Variants in DMBT1 observed in about 807,000 individuals in gnomAD.
DMBT1 encodes scavenger receptor cysteine-rich domain-containing protein DMBT1.
In DMBT1, 198 loss-of-function variants were observed where a neutral mutation model predicts 252.9. The ratio of observed to expected loss-of-function variants is 0.78; its 90% CI spans 0.70 to 0.88. The LOEUF is 0.88. Ranked by LOEUF, DMBT1 falls within the 40% of genes least tolerant of loss-of-function variation. The pLI, the probability that DMBT1 is intolerant of heterozygous loss-of-function variation, is 0.00. For missense variants in DMBT1, 2,432 were observed against 2,404.7 expected (o/e 1.01, Z -0.24); for synonymous variants, 990 against 942.7 (o/e 1.05, Z -0.92).
In DMBT1 at chr10:122,592,259, T is replaced by G; in HGVS notation, c.2177-13T>G. 1.3e-6 allele frequency: 2 copies of G among 1,585,794 alleles called. No homozygotes were observed. Among genetic ancestry groups the G allele is most frequent in the Non-Finnish European group, 1.7e-6 (2 of 1,165,122 alleles). On this transcript the variant is annotated splice_polypyrimidine_tract_variant and intron_variant, in intron 19 of 55. Transcript: ENST00000338354. Reference sequence around the variant, plus strand: ...GGTAGGGATGGATAAAGGGTTCTTGTGTTCCCCTGTAGGATCTGAATCCAG... The same window carrying G: ...GGTAGGGATGGATAAAGGGTTCTTGGGTTCCCCTGTAGGATCTGAATCCAG...
rs560953778 is a variant in DMBT1 at position 122,620,613 on chromosome 10, C to T, written c.5284+322C>T. ...CCTCAGGCCACAGGCTGCAGACCTG[C>T]GAATAGTGGGGAAAGTGCCTGTCCC... On this transcript the variant is annotated intron_variant, in intron 43 of 55. Transcript: ENST00000338354. 8.5e-5 allele frequency among the ~76,000 whole-genome samples: 13 copies of T among 152,330 alleles called. No individual in the cohort carries two copies. In the East Asian group the frequency reaches 9.6e-4, roughly 11 times the overall value.
rs751802313 is a variant in DMBT1, at chr10:122,576,558, C to T, written c.443C>T (p.Ala148Val). 5.6e-6 allele frequency: 9 copies of T among 1,613,710 alleles called. No homozygotes were observed. The Admixed American group carries it at 6.7e-5, about 12-fold the overall frequency. Residue 148 changes from alanine (A) to valine (V), a missense_variant, in exon 7 of 56, where the codon GCC (alanine) becomes GTC (valine). Physicochemically the swap from Ala to Val is moderately conservative, Grantham distance 64. This residue lies in a region of DMBT1 where 1,264 missense variants were observed against 1,082.2 expected (regional missense o/e 1.17). Coordinates refer to ENST00000338354, the MANE Select transcript of DMBT1 (RefSeq NM_001377530.1). ...VVCRQLGCGW[A>V]MSAPGNAWFG... ...TGTAGGCAGCTGGGTTGTGGCTGGG[C>T]CATGTCAGCTCCAGGAAATGCCTGG...
intron 43 of DMBT1, 115 bp downstream of exon 43, chr10:122,620,406 G>A (rs1233174986): frequency 3.9e-6 from 5 of 1,293,396 alleles, no homozygotes; most frequent in East Asian, 2.3e-5. Context: ...ATGTTTCCGC[G>A]AGTTGCCTGG....
At chr10:122,618,437 C>G in intron 41 of DMBT1, 97 bp downstream of exon 41, 2 of 1,577,998 alleles carry the variant, frequency 1.3e-6, no homozygotes, top group Non-Finnish European at 8.6e-7. Context: ...AAAGCTTTTT[C>G]TATGTTTTCT....
intron 2 of DMBT1, 123 bp downstream of exon 2, chr10:122,566,119 G>A: frequency 1.0e-6 from 1 of 970,040 alleles, no homozygotes. Flanking sequence ...GTCGAATGCA[G>A]GAATGCCGGG....
In DMBT1 at chr10:122,587,773, G is replaced by A. The variant is rs890975923; in HGVS notation, c.1784-1171G>A. 5.4e-5 allele frequency among the ~76,000 whole-genome samples: 8 copies of A among 148,772 alleles called. No homozygotes were observed. The South Asian group carries it at 1.8e-3, about 34-fold the overall frequency. ...TTGCCAGGAGACTTTATACTCCTTT[G>A]GGCAGCTCCCTGATCCTTCTAACAT... On this transcript the variant is annotated intron_variant, in intron 16 of 55. Transcript: ENST00000338354.
chr10:122,578,704 G>T lies in DMBT1; in HGVS notation c.638-14G>T. On this transcript the variant is annotated splice_polypyrimidine_tract_variant and intron_variant, in intron 8 of 55. Coordinates refer to ENST00000338354, the MANE Select transcript of DMBT1 (RefSeq NM_001377530.1). ...AAGTCCAATTGTATCCTTTCTCTTT[G>T]TTGCTGTTTACAGAAAGTTGGCCTG... 1 of 1,603,790 alleles carries T rather than the reference G, an allele frequency of 6.2e-7. No homozygotes were observed. The highest frequency in any genetic ancestry group is 8.5e-7 in the Non-Finnish European group (1 of 1,174,140).
chr10:122,591,911 CAG>C lies in DMBT1; in HGVS notation c.2177-356_2177-355del, dbSNP rs567526413. ...CCATCCCTGGCAATTTGCCAGAAGC[CAG>C]AGAGGACCACGTGGGTGCCACCAAA... On this transcript the variant is annotated intron_variant, in intron 19 of 55. Coordinates refer to ENST00000338354, the MANE Select transcript of DMBT1 (RefSeq NM_001377530.1). 3.4e-5 allele frequency among the ~76,000 whole-genome samples: 5 copies of C among 149,072 alleles called. 1 individual carries two copies. Among genetic ancestry groups the C allele is most frequent in the Non-Finnish European group, 7.5e-5 (5 of 66,880 alleles).
chr10:122,580,560 G>A (rs961085260), intron 10 of DMBT1, among the ~76,000 whole-genome samples: 5 of 152,188 alleles, frequency 3.3e-5, no homozygotes, highest in Non-Finnish European at 5.9e-5. Context: ...GGCTGGAGTG[G>A]CTTCCTCAGC....
At chr10:122,630,860 A>T in intron 48 of DMBT1, 101 bp from the exon 49 acceptor site, 1 of 1,302,862 alleles carries the variant, frequency 7.7e-7, no homozygotes, top group Non-Finnish European at 1.1e-6. Context: ...TGGCGACTTT[A>T]GAGGTGGGAA....
At chr10:122,572,213 C>T (rs896494500) in intron 4 of DMBT1, 101 bp from the exon 5 acceptor site, 26 of 1,519,062 alleles carry the variant, frequency 1.7e-5, no homozygotes, top group African/African-American at 2.7e-5. Flanking sequence ...GCCTTTAGGA[C>T]CTGTGTTTCC....
chr10:122,599,927 A>T (rs1052214160), intron 26 of DMBT1, 137 bp from the exon 27 acceptor site: 40 of 1,310,394 alleles, frequency 3.1e-5, no homozygotes, highest in Non-Finnish European at 4.1e-5. Flanking sequence ...GGGGATGTGC[A>T]TGGCAATGCC....
At chr10:122,562,071 TCCTC>T (rs2097552147) in intron 1 of DMBT1, among the ~76,000 whole-genome samples, 1 of 151,432 alleles carries the variant, frequency 6.6e-6, no homozygotes, top group African/African-American at 2.4e-5. Flanking sequence ...TTATCACTTT[TCCTC>T]CCTATTTCTC....
chr10:122,618,153 C>A lies in DMBT1; in HGVS notation c.5028C>A (p.Cys1676Ter), dbSNP rs766419895. Residue 1676 changes from cysteine (C) to a stop codon, truncating the protein, a stop_gained, in exon 41 of 56, where the codon TGC (cysteine) becomes TGA (stop). Transcript: ENST00000338354. LOFTEE classifies it high-confidence loss of function. ...ACACCAATGATGCCAACGTGGTCTG[C>A]AGGCAGCTGGGCTGTGGCTGGGCCA... ...YWDTNDANVVCRQLGCGWAMS... is the reference protein window; with the variant it reads ...YWDTNDANVV The A allele has an allele frequency of 6.2e-7, 1 of 1,613,944 alleles. No homozygotes were observed. The highest frequency in any genetic ancestry group is 1.7e-5 in the Admixed American group (1 of 60,014).
intron 55 of DMBT1, among the ~76,000 whole-genome samples, chr10:122,642,053 C>T (rs954620837): frequency 2.6e-5 from 4 of 152,140 alleles, no homozygotes; most frequent in East Asian, 1.9e-4. Context: ...CAGGGTTTTA[C>T]GGCAAATGCA....
At chr10:122,623,159 A>T (rs555744525) in intron 44 of DMBT1, among the ~76,000 whole-genome samples, 7 of 152,334 alleles carry the variant, frequency 4.6e-5, no homozygotes, top group African/African-American at 1.7e-4. Flanking sequence ...GAATGGAATC[A>T]TAGCCTTTTC....
rs189478437 is a variant in DMBT1 at position 122,589,106 on chromosome 10, C to T, written c.1946C>T (p.Thr649Met). The T allele has an allele frequency of 8.3e-4, 1,321 of 1,588,580 alleles. 139 individuals are homozygous for T. Among genetic ancestry groups the T allele is most frequent in the Middle Eastern group, 1.0e-3 (6 of 6,000 alleles). Residue 649 changes from threonine to methionine, a missense_variant, in exon 17 of 56, where the codon ACG (threonine) becomes ATG (methionine). Physicochemically the swap from Thr to Met is moderately conservative, Grantham distance 81. Around this residue, in one of 3 missense-constraint regions of DMBT1, gnomAD observed 1,264 missense variants for 1,082.2 expected, o/e 1.17. Coordinates refer to ENST00000338354, the MANE Select transcript of DMBT1 (RefSeq NM_001377530.1). Reference protein sequence around the residue: ...VCRQLGCGWATSAPGNARFGQ... With the variant: ...VCRQLGCGWAMSAPGNARFGQ... The stretch of plus-strand genomic sequence containing the variant: ...AGGCAGCTGGGCTGTGGCTGGGCCA[C>T]GTCAGCCCCAGGAAATGCCCGGTTT...
chr10:122,586,586 G>A (rs1383828040), intron 16 of DMBT1, among the ~76,000 whole-genome samples: 2 of 148,540 alleles, frequency 1.3e-5, no homozygotes, highest in African/African-American at 2.4e-5. Flanking sequence ...GGGCCAAAGT[G>A]AAATAAGGGT....
rs1185388845 is a variant in DMBT1, at chr10:122,625,816, A to C, written c.5636-117A>C. On this transcript the variant is annotated intron_variant, in intron 45 of 55. Transcript: ENST00000338354. ...ATGAACAGTGTAAACTGGAATGGTC[A>C]AGGCTCTGAGAAGTCCTGTACTAAG... 3.5e-6 allele frequency: 3 copies of C among 856,046 alleles called. No individual in the cohort carries two copies. In the African/African-American group the frequency reaches 5.0e-5, roughly 14 times the overall value. The allele number at this position is 856,046 out of a possible 1,614,324, so 53.0% of individuals were successfully genotyped here.
Sources: allele counts gnomAD v4.1 joint callset (sites outside exome capture counted in the v4.1 genomes callset), GRCh38; gene constraint gnomAD v4.1.1; regional missense constraint gnomAD v4.1.1; transcripts MANE v1.5; gene names NCBI Gene and HGNC (gene_info 2026-07-23, HGNC 2026-07-21).